The following SELENOO variants were observed in gnomAD, a reference collection of about 807,000 sequenced individuals.
SELENOO encodes selenoprotein O.
SELENOO carries 74 observed loss-of-function variants against 58.7 expected under a neutral mutation model. The observed-to-expected ratio is 1.26, with a 90% CI of 1.04 to 1.53. The LOEUF (loss-of-function observed/expected upper bound fraction) is 1.53. SELENOO is among the 40% of genes most tolerant of loss of function. The pLI is 0.00. For missense variants in SELENOO, 1,149 were observed against 970.0 expected (o/e 1.18, Z -2.45); for synonymous variants, 543 against 453.2 (o/e 1.20, Z -2.52).
At position 50,217,000 on chromosome 22, in the gene SELENOO, G is replaced by A. The variant is rs570141203; in HGVS notation, c.1717G>A (p.Ala573Thr). 47 of 1,610,964 alleles carry A rather than the reference G, an allele frequency of 2.9e-5. No homozygotes were observed. Among genetic ancestry groups the A allele is most frequent in the South Asian group, 6.6e-5 (6 of 91,076 alleles). ...CCGGCTGGACAAGGACCTGGAAGGC[G>A]CTGGGGACGCTGCCGCCTGGCAGGC... is the stretch of plus-strand genomic sequence containing the variant. ...RARLDKDLEG[A>T]GDAAAWQAEH... The change falls in exon 8 of 9, where the codon GCT (alanine) becomes ACT (threonine). Residue 573 changes from alanine (A) to threonine (T), a missense_variant. Physicochemically the swap from Ala to Thr is moderately conservative, Grantham distance 58. Coordinates refer to ENST00000380903, the MANE Select transcript of SELENOO (RefSeq NM_031454.2).
At chr22:50,213,443 G>A (rs938316485) in intron 5 of SELENOO, among the ~76,000 whole-genome samples, 8 of 152,158 alleles carry the variant, frequency 5.3e-5, no homozygotes, top group South Asian at 2.1e-4. Flanking sequence ...AACTTGTTTT[G>A]TGGCTTATCT....
chr22:50,215,736 C>T lies in SELENOO; in HGVS notation c.1371C>T (p.Thr457=), dbSNP rs774340053. 9 of 1,604,750 alleles carry T rather than the reference C, an allele frequency of 5.6e-6. No homozygotes were observed. The highest frequency in any genetic ancestry group is 7.7e-6 in the Non-Finnish European group (9 of 1,173,812). ...MHLTGADFTN[T]FYLLSSFPVE... ...TTCCAGGTGCCGACTTCACAAACAC[C>T]TTCTACTTGCTGAGCTCCTTCCCAG... Residue 457 remains threonine (T), a synonymous_variant, in exon 6 of 9, where the codon ACC becomes ACT. Transcript: ENST00000380903.
At chr22:50,211,287 A>G (rs12170426) in intron 5 of SELENOO, among the ~76,000 whole-genome samples, 230 of 152,218 alleles carry the variant, frequency 1.5e-3, no homozygotes, top group African/African-American at 5.4e-3. Flanking sequence ...CGTACGGTGC[A>G]CTGTGTGTTG....
At chr22:50,207,273 G>A (rs186511947) in intron 2 of SELENOO, among the ~76,000 whole-genome samples, 62 of 152,168 alleles carry the variant, frequency 4.1e-4, no homozygotes, top group African/African-American at 1.4e-3. Flanking sequence ...ACAGACGTGC[G>A]CCACCACGTC....
rs748055791 is a variant in SELENOO at position 50,210,628 on chromosome 22, C to A, written c.1071-3C>A. 6.2e-6 allele frequency: 10 copies of A among 1,612,734 alleles called. No individual in the cohort carries two copies. The highest frequency in any genetic ancestry group is 8.5e-6 in the Non-Finnish European group (10 of 1,179,834). ...GGCGTGGCTCTCTTGCCCCGTGTGG[C>A]AGGTACGACCCCGACCACGTGTGCA... On this transcript the variant is annotated splice_region_variant and splice_polypyrimidine_tract_variant and intron_variant, in intron 4 of 8. Transcript: ENST00000380903.
rs1027046348 is a variant in SELENOO, at chr22:50,217,457, A to G, written c.*88A>G. On this transcript the variant is annotated 3_prime_UTR_variant, in exon 9 of 9. Transcript: ENST00000380903. ...AAGATGATGCCAGGCTGCCCTATAC[A>G]CTGGGGGATTCTGCCCTGGCCCATG... The G allele has an allele frequency of 6.8e-7, 1 of 1,473,484 alleles. No individual in the cohort carries two copies. The highest frequency in any genetic ancestry group is 2.4e-5 in the East Asian group (1 of 41,420). The allele number at this position is 1,473,484 out of a possible 1,614,324, so 91.3% of individuals were successfully genotyped here. A position where few individuals can be genotyped will look rare whatever the true frequency, so the allele number is the denominator to read the frequency against.
At chr22:50,209,848 C>T (rs1414677558) in intron 3 of SELENOO, among the ~76,000 whole-genome samples, 9 of 152,156 alleles carry the variant, frequency 5.9e-5, no homozygotes, top group Non-Finnish European at 8.8e-5. Context: ...GTGGCCTGGC[C>T]CTGGGGCAGG....
intron 5 of SELENOO, among the ~76,000 whole-genome samples, chr22:50,215,050 C>T (rs2064395982): frequency 6.6e-6 from 1 of 152,182 alleles, no homozygotes; most frequent in African/African-American, 2.4e-5. Context: ...GTGTAGTCGA[C>T]TTTTTTGCAG....
At position 50,201,433 on chromosome 22, in the gene SELENOO, G is replaced by C. The variant is rs1242539325; in HGVS notation, c.397G>C (p.Ala133Pro). The C allele has an allele frequency of 7.3e-7, 1 of 1,376,396 alleles. No individual in the cohort carries two copies. The highest frequency in any genetic ancestry group is 9.4e-7 in the Non-Finnish European group (1 of 1,059,622). The allele number at this position is 1,376,396 out of a possible 1,614,324, so 85.3% of individuals were successfully genotyped here. ...CAGCGGCAACGCGCTCCTGCCGGGC[G>C]CCGAGCCCGCCGCGCACTGCTACTG... ...FFSGNALLPG[A>P]EPAAHCYCGH... Residue 133 changes from alanine (A) to proline (P), a missense_variant, in exon 1 of 9, where the codon GCC (alanine) becomes CCC (proline). Ala to Pro is a conservative substitution (Grantham distance 27, BLOSUM62 -1). Coordinates refer to ENST00000380903, the MANE Select transcript of SELENOO (RefSeq NM_031454.2).
Position 50,217,485 on chromosome 22 carries a change from C to A in SELENOO, c.*116C>A, listed in dbSNP as rs549275810. The A allele has an allele frequency of 3.6e-5, 46 of 1,288,320 alleles. No individual in the cohort carries two copies. In the South Asian group the frequency reaches 5.7e-4, roughly 16 times the overall value. 79.8% of individuals were successfully genotyped at this position (1,288,320 alleles called of 1,614,324 possible). On this transcript the variant is annotated 3_prime_UTR_variant, in exon 9 of 9. Transcript: ENST00000380903. Reference sequence around the variant, plus strand: ...GGGGGATTCTGCCCTGGCCCATGCACACCCGTCTTTCCATGATGGCAGAGA... The same window carrying A: ...GGGGGATTCTGCCCTGGCCCATGCAAACCCGTCTTTCCATGATGGCAGAGA...
Position 50,215,827 on chromosome 22 carries a change from G to A in SELENOO, c.1462G>A (p.Glu488Lys), listed in dbSNP as rs758870386. Residue 488 changes from glutamate (E) to lysine (K), a missense_variant, in exon 6 of 9, where the codon GAG becomes AAG. Glu to Lys is a moderately conservative substitution (Grantham distance 56). Transcript: ENST00000380903. ...GCTGATGGAGCAGTGTGCCTCCCTG[G>A]AGGAGCTGAGGCTGGCCTTCCGGCC... Reference protein sequence around the residue: ...ARLMEQCASLEELRLAFRPQM... With the variant: ...ARLMEQCASLKELRLAFRPQM... The A allele has an allele frequency of 2.5e-6, 4 of 1,612,000 alleles. No individual in the cohort carries two copies. The Admixed American group carries it at 5.0e-5, about 20-fold the overall frequency.
At chr22:50,206,625 G>A in intron 2 of SELENOO, 105 bp downstream of exon 2, 4 of 1,036,102 alleles carry the variant, frequency 3.9e-6, no homozygotes, top group South Asian at 1.6e-5. Context: ...CCAGATGACC[G>A]CCTTGGCCTC....
At chr22:50,205,617 A>G (rs2064327885) in intron 1 of SELENOO, 1 of 152,368 alleles carries the variant, frequency 6.6e-6, no homozygotes, top group Non-Finnish European at 1.5e-5. Flanking sequence ...TGTGTATTTT[A>G]CCACAGTGAA....
In SELENOO at chr22:50,201,114, G is replaced by T. The variant is rs775782214; in HGVS notation, c.78G>T (p.Ser26=). 1 of 1,341,376 alleles carries T rather than the reference G, an allele frequency of 7.5e-7. No individual in the cohort carries two copies. Among genetic ancestry groups the T allele is most frequent in the South Asian group, 1.9e-5 (1 of 52,852 alleles). 83.1% of individuals were successfully genotyped at this position (1,341,376 alleles called of 1,614,324 possible). ...RLLPLGRCSP[S]PAPRSTLSGA... is the part of the protein sequence containing the mutation. ...TGCCCCTCGGTCGCTGTTCCCCGTC[G>T]CCGGCGCCCCGCTCTACGTTGTCGG... Residue 26 remains serine, a synonymous_variant, in exon 1 of 9, where the codon TCG becomes TCT. Coordinates refer to ENST00000380903, the MANE Select transcript of SELENOO (RefSeq NM_031454.2).
Position 50,216,987 on chromosome 22 carries a change from G to C in SELENOO, c.1704G>C (p.Lys568Asn), listed in dbSNP as rs34658004. 4.2e-5 allele frequency: 67 copies of C among 1,610,070 alleles called. No homozygotes were observed. Among genetic ancestry groups the C allele is most frequent in the Non-Finnish European group, 5.4e-5 (64 of 1,179,138 alleles). The change falls in exon 8 of 9, where the codon AAG becomes AAC. Residue 568 changes from lysine to asparagine, a missense_variant. Coordinates refer to ENST00000380903, the MANE Select transcript of SELENOO (RefSeq NM_031454.2). ...GTCATTCCAGAGCCCGGCTGGACAA[G>C]GACCTGGAAGGCGCTGGGGACGCTG... ...WLQAYRARLD[K>N]DLEGAGDAAA...
chr22:50,207,028 T>A (rs1372725269), intron 2 of SELENOO, among the ~76,000 whole-genome samples: 1 of 152,158 alleles, frequency 6.6e-6, no homozygotes, highest in South Asian at 2.1e-4. Flanking sequence ...CTGTGCGCGG[T>A]GTCCTGCTCA....
intron 3 of SELENOO, chr22:50,209,183 G>A (rs993556517): frequency 8.4e-5 from 13 of 154,930 alleles, no homozygotes; most frequent in Admixed American, 6.5e-5. Context: ...AGGGCATTCA[G>A]CACACGGTGG....
rs2064349384 is a variant in SELENOO at position 50,208,784 on chromosome 22, C to T, written c.939+68C>T. ...GGTGTCCCCACCTGTGTTGAAGACA[C>T]CCTCATTTTGGCCGGGGGACAAAGG... On this transcript the variant is annotated intron_variant, in intron 3 of 8. Transcript: ENST00000380903. 4.1e-6 allele frequency: 6 copies of T among 1,477,056 alleles called. No homozygotes were observed. In the Admixed American group the frequency reaches 9.1e-5, roughly 22 times the overall value. The allele number at this position is 1,477,056 out of a possible 1,614,324, so 91.5% of individuals were successfully genotyped here.
chr22:50,210,387 C>T (rs2064360669), intron 4 of SELENOO, 76 bp downstream of exon 4: 1 of 1,548,130 alleles, frequency 6.5e-7, no homozygotes, highest in Non-Finnish European at 8.8e-7. Flanking sequence ...CTGCTGCCCC[C>T]AGGCACTGGC....
Sources: gnomAD v4.1 joint callset for allele counts (sites outside exome capture counted in the v4.1 genomes callset) on GRCh38, gnomAD v4.1.1 for gene constraint, MANE v1.5 for transcripts, NCBI Gene and HGNC (gene_info 2026-07-23, HGNC 2026-07-21) for gene names.